Variants in CDK6 observed in about 807,000 individuals in gnomAD.
The protein encoded by CDK6 is cyclin-dependent kinase 6.
CDK6 carries 6 observed loss-of-function variants against 37.1 expected under a neutral mutation model. That is an observed-to-expected ratio of 0.16 (90% CI 0.09 to 0.32). CDK6 has a LOEUF of 0.32. Among genes scored for constraint, CDK6 ranks in the 10% least tolerant of loss-of-function variants. The pLI is 1.00. For synonymous variants in CDK6, 160 were observed against 161.3 expected, an observed-to-expected ratio of 0.99 and a Z score of 0.06; for missense variants, 224 against 418.9, an observed-to-expected ratio of 0.53 and a Z score of 4.06.
intron 2 of CDK6, among the ~76,000 whole-genome samples, chr7:92,802,380 C>T (rs185055351): frequency 6.6e-6 from 1 of 152,244 alleles, no homozygotes; most frequent in Admixed American, 6.5e-5. Context: ...AACTATCAAT[C>T]CTTGCAAAGG....
intron 2 of CDK6, among the ~76,000 whole-genome samples, chr7:92,794,793 T>C (rs1217703080): frequency 6.6e-6 from 1 of 151,922 alleles, no homozygotes; most frequent in Admixed American, 6.6e-5. Flanking sequence ...TATAAGAGAG[T>C]GTACTGTATT....
intron 3 of CDK6, among the ~76,000 whole-genome samples, chr7:92,728,949 C>A (rs1269737413): frequency 1.3e-5 from 2 of 152,168 alleles, no homozygotes; most frequent in Non-Finnish European, 2.9e-5. Context: ...ATAAGCATGA[C>A]TGGGGAACCC....
intron 6 of CDK6, among the ~76,000 whole-genome samples, chr7:92,620,494 G>A (rs148903234): frequency 6.6e-6 from 1 of 152,160 alleles, no homozygotes; most frequent in Admixed American, 6.6e-5. Flanking sequence ...TTTCCATTTA[G>A]CTATGACATC....
At position 92,610,391 on chromosome 7, in the gene CDK6, T is replaced by C. The variant is rs970562735; in HGVS notation, c.*4749A>G. On this transcript the variant is annotated 3_prime_UTR_variant, in exon 8 of 8. Coordinates refer to ENST00000424848, the MANE Select transcript of CDK6 (RefSeq NM_001145306.2). ...AATAGAAAACATTTTGAAAAGCTGA[T>C]TGGCACTTCATTAAGAAAATAAAAA... 18 of 231,896 alleles carry C rather than the reference T, an allele frequency of 7.8e-5. No individual in the cohort carries two copies. The highest frequency in any genetic ancestry group is 1.3e-4 in the Non-Finnish European group (15 of 117,234). The allele number at this position is 231,896 out of a possible 1,614,324, so 14.4% of individuals were successfully genotyped here.
chr7:92,758,030 C>T lies in CDK6; in HGVS notation c.369+16666G>A, dbSNP rs147816238. Among the ~76,000 whole-genome samples the T allele has an allele frequency of 6.3e-3, 965 of 152,184 alleles. 13 individuals carry two copies. Among genetic ancestry groups the T allele is most frequent in the African/African-American group, 0.022 (895 of 41,520 alleles). On this transcript the variant is annotated intron_variant, in intron 3 of 7. Coordinates refer to ENST00000424848, the MANE Select transcript of CDK6 (RefSeq NM_001145306.2). ...CTTGTAAATTTGTTTAATTTCCTTA[C>T]AGATGCTGGATATTATACCTTTGTC...
chr7:92,733,698 A>G (rs1398296569), intron 3 of CDK6, among the ~76,000 whole-genome samples: 2 of 152,158 alleles, frequency 1.3e-5, no homozygotes, highest in Admixed American at 1.3e-4. Context: ...CTCATGTTCT[A>G]AATTACTTGA....
chr7:92,743,201 C>A (rs1482248371), intron 3 of CDK6, among the ~76,000 whole-genome samples: 4 of 151,596 alleles, frequency 2.6e-5, no homozygotes, highest in African/African-American at 4.9e-5. Flanking sequence ...CATGGTGAAA[C>A]CCCATATCTA....
intron 4 of CDK6, among the ~76,000 whole-genome samples, chr7:92,704,739 T>C (rs886715235): frequency 1.3e-5 from 2 of 152,190 alleles, no homozygotes; most frequent in Non-Finnish European, 2.9e-5. Flanking sequence ...CATTCCTTTG[T>C]ATATGAACAG....
intron 3 of CDK6, among the ~76,000 whole-genome samples, chr7:92,771,233 A>AAAAAAAT (rs1799708777): frequency 6.7e-6 from 1 of 150,182 alleles, no homozygotes; most frequent in African/African-American, 2.4e-5. Flanking sequence ...TCAAAAAAAA[A>AAAAAAAT]AAATAAATAA....
At position 92,614,483 on chromosome 7, in the gene CDK6, T is replaced by C. The variant is rs545174466; in HGVS notation, c.*657A>G. On this transcript the variant is annotated 3_prime_UTR_variant, in exon 8 of 8. Transcript: ENST00000424848. ...CTCCTTTTTGCTGTGTGTATAAAAC[T>C]TCATCTTTTACTGCTAGCAAATTTA... The C allele has an allele frequency of 4.3e-6, 1 of 233,260 alleles. No individual in the cohort carries two copies. Among genetic ancestry groups the C allele is most frequent in the East Asian group, 6.0e-5 (1 of 16,554 alleles). 14.4% of individuals were successfully genotyped at this position (233,260 alleles called of 1,614,324 possible). A position where few individuals can be genotyped will look rare whatever the true frequency, so the allele number is the denominator to read the frequency against.
chr7:92,670,113 C>T (rs905457946), intron 5 of CDK6, among the ~76,000 whole-genome samples: 2 of 152,214 alleles, frequency 1.3e-5, no homozygotes, highest in Non-Finnish European at 2.9e-5. Flanking sequence ...CCTTTGGACT[C>T]ATACCCCTGC....
chr7:92,828,365 C>T (rs909379240), intron 2 of CDK6, among the ~76,000 whole-genome samples: 1 of 152,016 alleles, frequency 6.6e-6, no homozygotes, highest in Non-Finnish European at 1.5e-5. Context: ...ATGTACTCAC[C>T]CGATTTAACT....
chr7:92,753,976 T>A (rs1030852282), intron 3 of CDK6, among the ~76,000 whole-genome samples: 5 of 152,156 alleles, frequency 3.3e-5, no homozygotes, highest in African/African-American at 1.2e-4. Context: ...GATTTCTGTT[T>A]TCTAACATAT....
intron 3 of CDK6, among the ~76,000 whole-genome samples, chr7:92,732,975 T>C (rs1346451894): frequency 2.0e-5 from 3 of 152,248 alleles, no homozygotes; most frequent in Non-Finnish European, 4.4e-5. Flanking sequence ...GCCTCCAGCC[T>C]TGTAGTTATG....
At chr7:92,742,992 TA>T (rs2115641340) in intron 3 of CDK6, among the ~76,000 whole-genome samples, 1 of 151,922 alleles carries the variant, frequency 6.6e-6, no homozygotes, top group East Asian at 1.9e-4. Context: ...TATATTTTTT[TA>T]AGTGCTCAGA....
chr7:92,726,295 C>A (rs1044772402), intron 3 of CDK6, among the ~76,000 whole-genome samples: 1 of 152,126 alleles, frequency 6.6e-6, no homozygotes, highest in Non-Finnish European at 1.5e-5. Context: ...ATAATTTAAT[C>A]CACACCACAA....
intron 3 of CDK6, among the ~76,000 whole-genome samples, chr7:92,759,707 A>G (rs969156660): frequency 1.9e-4 from 29 of 151,684 alleles, no homozygotes; most frequent in Non-Finnish European, 3.4e-4. Flanking sequence ...CAAAAAAAAA[A>G]AAAAAAAAAG....
At chr7:92,633,006 C>CTA (rs1170257726) in intron 5 of CDK6, among the ~76,000 whole-genome samples, 6 of 135,380 alleles carry the variant, frequency 4.4e-5, no homozygotes, top group African/African-American at 1.7e-4. Context: ...TGAGTCTTGA[C>CTA]TATAGTCCTT....
chr7:92,828,143 A>G (rs1163473040), intron 2 of CDK6, among the ~76,000 whole-genome samples: 2 of 152,076 alleles, frequency 1.3e-5, no homozygotes, highest in Non-Finnish European at 2.9e-5. Flanking sequence ...GCTATTTTAA[A>G]TTATTATAAT....
Sources: allele counts gnomAD v4.1 joint callset (sites outside exome capture counted in the v4.1 genomes callset), GRCh38; gene constraint gnomAD v4.1.1; transcripts MANE v1.5; gene names NCBI Gene and HGNC (gene_info 2026-07-23, HGNC 2026-07-21).